TECPR2: variants seen among roughly 807,000 people sequenced by gnomAD.
TECPR2 encodes tectonin beta-propeller repeat containing 2, also known as tectonin beta-propeller repeat-containing protein 2.
In TECPR2, 65 loss-of-function variants were observed where a neutral mutation model predicts 138.1. The ratio of observed to expected loss-of-function variants is 0.47; its 90% CI spans 0.39 to 0.58. The LOEUF (loss-of-function observed/expected upper bound fraction) is 0.58, where lower values mean the gene tolerates loss of function less well. Among genes scored for constraint, TECPR2 ranks in the 20% least tolerant of loss-of-function variants. The pLI is 0.00. For synonymous variants in TECPR2, 746 were observed against 749.8 expected (o/e 0.99, Z 0.08); for missense variants, 1,553 against 1,824.5 (o/e 0.85, Z 2.71).
chr14:102,390,501 T>C (rs922196348), intron 2 of TECPR2, among the ~76,000 whole-genome samples: 1 of 152,050 alleles, frequency 6.6e-6, no homozygotes, highest in African/African-American at 2.4e-5. Context: ...TAAGACTGAA[T>C]TGTCCCTAGA....
intron 17 of TECPR2, among the ~76,000 whole-genome samples, chr14:102,483,884 C>T (rs866537289): frequency 6.9e-6 from 1 of 144,706 alleles, no homozygotes; most frequent in South Asian, 2.3e-4. Context: ...ACAGCCTCTG[C>T]CCCCCGGGTT....
chr14:102,475,025 C>T (rs1467382793), intron 17 of TECPR2, among the ~76,000 whole-genome samples: 99 of 152,204 alleles, frequency 6.5e-4, no homozygotes, highest in Admixed American at 6.2e-3. Context: ...AACAGAGCAG[C>T]GGCAAGAACA....
intron 16 of TECPR2, among the ~76,000 whole-genome samples, chr14:102,457,250 A>G (rs891959098): frequency 2.0e-5 from 3 of 151,780 alleles, no homozygotes; most frequent in Non-Finnish European, 2.9e-5. Flanking sequence ...ATGCCCGGCT[A>G]ATGTTTGTGT....
At chr14:102,364,514 G>C (rs777175578) in intron 1 of TECPR2, among the ~76,000 whole-genome samples, 1 of 152,164 alleles carries the variant, frequency 6.6e-6, no homozygotes, top group Non-Finnish European at 1.5e-5. Context: ...CTAAGTGCAG[G>C]TGTAGGGGAC....
intron 17 of TECPR2, among the ~76,000 whole-genome samples, chr14:102,491,124 C>T (rs991092232): frequency 2.6e-5 from 4 of 152,048 alleles, no homozygotes; most frequent in African/African-American, 9.7e-5. Context: ...AAACTCCTGA[C>T]CTCAGATGAT....
intron 2 of TECPR2, among the ~76,000 whole-genome samples, chr14:102,399,514 A>G (rs1312427849): frequency 1.3e-5 from 2 of 152,162 alleles, no homozygotes; most frequent in Admixed American, 6.5e-5. Context: ...GATATTAAAC[A>G]GTTACTCAAA....
chr14:102,363,758 TCA>T (rs1642925647), intron 1 of TECPR2, among the ~76,000 whole-genome samples: 1 of 152,234 alleles, frequency 6.6e-6, no homozygotes, highest in Non-Finnish European at 1.5e-5. Flanking sequence ...TCCAGTTTCA[TCA>T]CCAGTGGAAT....
intron 17 of TECPR2, among the ~76,000 whole-genome samples, chr14:102,466,059 G>T (rs1890545469): frequency 6.6e-6 from 1 of 152,202 alleles, no homozygotes. Flanking sequence ...TTGTTGGGCA[G>T]AGAAACCTTC....
chr14:102,401,722 G>A (rs1051442656), intron 2 of TECPR2, among the ~76,000 whole-genome samples: 8 of 140,488 alleles, frequency 5.7e-5, no homozygotes, highest in African/African-American at 1.3e-4. Flanking sequence ...GGAGAATGGC[G>A]TGAACCCGGG....
intron 17 of TECPR2, among the ~76,000 whole-genome samples, chr14:102,486,998 C>T (rs1272815715): frequency 6.6e-6 from 1 of 152,204 alleles, no homozygotes; most frequent in Non-Finnish European, 1.5e-5. Context: ...AACCCACACG[C>T]CTCAGCGCCC....
rs1056950761 is a variant in TECPR2, at chr14:102,387,619, C to T, written c.219+10679C>T. On this transcript the variant is annotated intron_variant, in intron 2 of 19. Transcript: ENST00000359520. ...TCGGCTCACTGCAAGCTCTGCCTCC[C>T]GGTTTCACATCATTCTCCTGCCTCA... Among the ~76,000 whole-genome samples, 9 of 152,004 alleles carry T rather than the reference C, an allele frequency of 5.9e-5. No homozygotes were observed. The East Asian group carries it at 1.4e-3, about 23-fold the overall frequency.
chr14:102,399,162 T>G (rs2139683440), intron 2 of TECPR2, among the ~76,000 whole-genome samples: 1 of 152,222 alleles, frequency 6.6e-6, no homozygotes, highest in Non-Finnish European at 1.5e-5. Flanking sequence ...TCTGGGTGCC[T>G]GAGGCACAAG....
chr14:102,394,647 C>T (rs548100828), intron 2 of TECPR2, among the ~76,000 whole-genome samples: 1 of 152,102 alleles, frequency 6.6e-6, no homozygotes, highest in Non-Finnish European at 1.5e-5. Context: ...GGAGCTCAGT[C>T]CCATATTTGT....
intron 2 of TECPR2, among the ~76,000 whole-genome samples, chr14:102,384,942 T>G (rs1887956924): frequency 7.0e-6 from 1 of 142,490 alleles, no homozygotes. Flanking sequence ...CTGCGACCTC[T>G]GCCTCCTAGG....
rs968706730 is a variant in TECPR2, at chr14:102,429,146, C to T, written c.1084+764C>T. ...AAAGGCGTGAGCCACTGTGCCCGGCCGCTCCTCTGATTGTTAAAATAGCAT... is the reference window on the plus strand; with the variant it reads ...AAAGGCGTGAGCCACTGTGCCCGGCTGCTCCTCTGATTGTTAAAATAGCAT... On this transcript the variant is annotated intron_variant, in intron 7 of 19. Coordinates refer to ENST00000359520, the MANE Select transcript of TECPR2 (RefSeq NM_014844.5). Among the ~76,000 whole-genome samples, 10 of 152,144 alleles carry T rather than the reference C, an allele frequency of 6.6e-5. No individual in the cohort carries two copies. The East Asian group carries it at 7.7e-4, about 12-fold the overall frequency.
chr14:102,415,212 C>T lies in TECPR2; in HGVS notation c.638+419C>T, dbSNP rs1370505514. ...TGCACTGTGGCAGGCTCAGCAGTGACATGGTAAACACGGCAGATCTGAGCC... is the reference window on the plus strand; with the variant it reads ...TGCACTGTGGCAGGCTCAGCAGTGATATGGTAAACACGGCAGATCTGAGCC... On this transcript the variant is annotated intron_variant, in intron 5 of 19. Coordinates refer to ENST00000359520, the MANE Select transcript of TECPR2 (RefSeq NM_014844.5). The surrounding 1 kb of genome is among the most constrained non-coding windows in gnomAD (Gnocchi z 4.3). Among the ~76,000 whole-genome samples the T allele has an allele frequency of 1.3e-5, 2 of 152,200 alleles. No individual in the cohort carries two copies.
Position 102,431,832 on chromosome 14 carries a change from G to T in TECPR2, c.1121G>T (p.Arg374Leu), listed in dbSNP as rs1324514640. The T allele has an allele frequency of 1.9e-6, 3 of 1,593,692 alleles. No individual in the cohort carries two copies. The highest frequency in any genetic ancestry group is 1.7e-6 in the Non-Finnish European group (2 of 1,164,650). ...CTGGAGATGTCTGGATGCTCAGAGCGTGTCCACGTGCAGCAAGCGGAGAAG... is the reference window on the plus strand; with the variant it reads ...CTGGAGATGTCTGGATGCTCAGAGCTTGTCCACGTGCAGCAAGCGGAGAAG... ...DGLEMSGCSE[R>L]VHVQQAEKLP... is the part of the protein sequence containing the mutation. The change falls in exon 8 of 20, where the codon CGT (arginine) becomes CTT (leucine). Residue 374 changes from arginine to leucine, a missense_variant. Coordinates refer to ENST00000359520, the MANE Select transcript of TECPR2 (RefSeq NM_014844.5).
intron 4 of TECPR2, among the ~76,000 whole-genome samples, chr14:102,409,553 C>T (rs751074945): frequency 2.0e-5 from 3 of 152,224 alleles, no homozygotes; most frequent in Admixed American, 6.5e-5. Context: ...CCTGCCTCGG[C>T]CTTCCAAAGT....
chr14:102,384,621 G>A (rs1027748999), intron 2 of TECPR2, among the ~76,000 whole-genome samples: 2 of 151,062 alleles, frequency 1.3e-5, no homozygotes, highest in Non-Finnish European at 2.9e-5. Context: ...AGATTGCAGT[G>A]AGCCAAGACT....
Sources: gnomAD v4.1 joint callset for allele counts (sites outside exome capture counted in the v4.1 genomes callset) on GRCh38, gnomAD v4.1.1 for gene constraint, Gnocchi (gnomAD v3.1) non-coding constraint, MANE v1.5 for transcripts, NCBI Gene and HGNC (gene_info 2026-07-23, HGNC 2026-07-21) for gene names.